DYM: variants seen among roughly 807,000 people sequenced by gnomAD.
The protein encoded by DYM is dymeclin.
In DYM, 78 loss-of-function variants were observed where a neutral mutation model predicts 93.1. The ratio of observed to expected loss-of-function variants is 0.84; its 90% confidence interval spans 0.70 to 1.01. DYM has a LOEUF of 1.01. Ranked by LOEUF, DYM falls within the 50% of genes least tolerant of loss-of-function variation. The pLI, the probability that DYM is intolerant of heterozygous loss-of-function variation, is 0.00. For missense variants in DYM, 789 were observed against 845.0 expected, an observed-to-expected ratio of 0.93 and a Z score of 0.82; for synonymous variants, 321 against 319.7, an observed-to-expected ratio of 1.00 and a Z score of -0.04.
At chr18:49,073,924 G>A (rs536217116) in intron 17 of DYM, among the ~76,000 whole-genome samples, 4 of 152,248 alleles carry the variant, frequency 2.6e-5, no homozygotes, top group East Asian at 3.9e-4. Context: ...TTCACTATAG[G>A]GAGGCAGTGT....
intron 17 of DYM, among the ~76,000 whole-genome samples, chr18:49,085,119 A>G (rs553002023): frequency 6.6e-6 from 1 of 152,320 alleles, no homozygotes; most frequent in African/African-American, 2.4e-5. Context: ...GACCTTGACT[A>G]TGTTCTAGAT....
At chr18:49,158,784 T>A (rs568716587) in intron 15 of DYM, among the ~76,000 whole-genome samples, 1 of 152,054 alleles carries the variant, frequency 6.6e-6, no homozygotes, top group Non-Finnish European at 1.5e-5. Context: ...GAGGGGATGA[T>A]TAAGGAGTAA....
intron 16 of DYM, chr18:49,114,501 T>C (rs1293053255): frequency 1.4e-5 from 13 of 944,826 alleles, no homozygotes; most frequent in Non-Finnish European, 1.6e-5. Flanking sequence ...CTATACTGTG[T>C]ACTTACAGTG....
Position 49,332,019 on chromosome 18 carries a change from GA to G in DYM, c.621-14del, listed in dbSNP as rs148345006. ...GGTGTATGGAAGACTATACAAAAAG[GA>G]AAAAAAAATCAAACTCATATTTATG... On this transcript the variant is annotated splice_polypyrimidine_tract_variant and intron_variant, in intron 7 of 17. Transcript: ENST00000675505. 27 of 1,599,408 alleles carry G rather than the reference GA, an allele frequency of 1.7e-5. No homozygotes were observed. The highest frequency in any genetic ancestry group is 3.4e-5 in the Admixed American group (2 of 58,598).
At chr18:49,146,065 CCTT>C (rs1204965516) in intron 15 of DYM, among the ~76,000 whole-genome samples, 1 of 152,154 alleles carries the variant, frequency 6.6e-6, no homozygotes, top group African/African-American at 2.4e-5. Flanking sequence ...TCTTCCTCCT[CCTT>C]CTCTCCCAGC....
intron 17 of DYM, among the ~76,000 whole-genome samples, chr18:49,085,851 C>T (rs1282477239): frequency 3.9e-5 from 6 of 152,042 alleles, no homozygotes; most frequent in Non-Finnish European, 5.9e-5. Context: ...GTGATCCACC[C>T]GCCTTGGCCT....
intron 2 of DYM, among the ~76,000 whole-genome samples, chr18:49,402,490 A>G (rs2070968442): frequency 6.6e-6 from 1 of 152,212 alleles, no homozygotes; most frequent in African/African-American, 2.4e-5. Flanking sequence ...AAGTCTAACC[A>G]TGTGCTCACA....
At chr18:49,201,054 C>A (rs983771694) in intron 14 of DYM, among the ~76,000 whole-genome samples, 2 of 152,076 alleles carry the variant, frequency 1.3e-5, no homozygotes, top group Non-Finnish European at 2.9e-5. Flanking sequence ...TTGGACAGTT[C>A]AAAAAATCTT....
rs547072353 is a variant in DYM at position 49,437,381 on chromosome 18, C to T, written c.-53-6934G>A. ...TTCATTCCTTTTTACAATTGTGTAA[C>T]ATTCCATTTTATAATTTCTCAAATA... is the stretch of plus-strand genomic sequence containing the variant. On this transcript the variant is annotated intron_variant, in intron 1 of 17. Coordinates refer to ENST00000675505, the MANE Select transcript of DYM (RefSeq NM_001353214.3). Among the ~76,000 whole-genome samples the T allele has an allele frequency of 8.5e-5, 13 of 152,220 alleles. No homozygotes were observed. In the South Asian group the frequency reaches 2.7e-3, roughly 32 times the overall value.
At chr18:49,446,253 C>G (rs1408749231) in intron 1 of DYM, among the ~76,000 whole-genome samples, 1 of 152,020 alleles carries the variant, frequency 6.6e-6, no homozygotes, top group Non-Finnish European at 1.5e-5. Context: ...GAGACCCCAT[C>G]TCTACCAAAA....
chr18:49,359,338 G>A (rs757155607), intron 6 of DYM, among the ~76,000 whole-genome samples: 1 of 152,194 alleles, frequency 6.6e-6, no homozygotes, highest in Non-Finnish European at 1.5e-5. Flanking sequence ...TAAATGCTGA[G>A]AGCTATGGAG....
At chr18:49,091,568 T>A (rs950037661) in intron 17 of DYM, among the ~76,000 whole-genome samples, 3 of 152,038 alleles carry the variant, frequency 2.0e-5, no homozygotes, top group Non-Finnish European at 4.4e-5. Flanking sequence ...GGAGCAGGCA[T>A]CAGTTCACAC....
At chr18:49,447,860 C>T (rs183213542) in intron 1 of DYM, among the ~76,000 whole-genome samples, 62 of 152,214 alleles carry the variant, frequency 4.1e-4, no homozygotes, top group Admixed American at 6.5e-4. Flanking sequence ...CAAGGGGAAG[C>T]GTCTTTGTGA....
chr18:49,240,099 T>C (rs916849212), intron 13 of DYM, among the ~76,000 whole-genome samples: 1 of 152,172 alleles, frequency 6.6e-6, no homozygotes, highest in Non-Finnish European at 1.5e-5. Flanking sequence ...AATGGAAGCA[T>C]GAATAATACA....
At chr18:49,460,182 C>G (rs956924041) in intron 1 of DYM, among the ~76,000 whole-genome samples, 6 of 152,216 alleles carry the variant, frequency 3.9e-5, no homozygotes, top group African/African-American at 1.4e-4. Flanking sequence ...TCCCCCAACT[C>G]CCAACAGCGG....
chr18:49,359,517 T>C (rs2065845022), intron 6 of DYM, among the ~76,000 whole-genome samples: 2 of 152,216 alleles, frequency 1.3e-5, no homozygotes, highest in Non-Finnish European at 1.5e-5. Context: ...AATGAACTTC[T>C]GGGAGTTTAT....
At chr18:49,269,694 T>C (rs528641946) in intron 11 of DYM, among the ~76,000 whole-genome samples, 1 of 152,364 alleles carries the variant, frequency 6.6e-6, no homozygotes, top group African/African-American at 2.4e-5. Context: ...CTAGATGTTG[T>C]AGCCATTGTA....
At chr18:49,438,093 G>A (rs943113603) in intron 1 of DYM, among the ~76,000 whole-genome samples, 18 of 152,276 alleles carry the variant, frequency 1.2e-4, no homozygotes, top group Middle Eastern at 3.4e-3. Context: ...AGGATCGCTT[G>A]AGCCCAGGAG....
At chr18:49,373,439 C>G (rs566490680) in intron 5 of DYM, among the ~76,000 whole-genome samples, 1 of 152,234 alleles carries the variant, frequency 6.6e-6, no homozygotes, top group East Asian at 1.9e-4. Flanking sequence ...ATTGCCATGG[C>G]ATTTGTAAAC....
Sources: gnomAD v4.1 joint callset for allele counts (sites outside exome capture counted in the v4.1 genomes callset) on GRCh38, gnomAD v4.1.1 for gene constraint, MANE v1.5 for transcripts, NCBI Gene and HGNC (gene_info 2026-07-23, HGNC 2026-07-21) for gene names.